The following MAGEC3 variants were observed in gnomAD, a reference collection of about 807,000 sequenced individuals.
MAGEC3 encodes the protein MAGE family member C3.
Under a neutral mutation model 35.3 loss-of-function variants are expected in MAGEC3, and 34 were observed. That is an observed-to-expected ratio of 0.96 (90% confidence interval 0.73 to 1.28). MAGEC3 has a LOEUF of 1.28. Among genes scored for constraint, MAGEC3 ranks in the 50% most tolerant of loss-of-function variants. MAGEC3 has a pLI of 0.00. For missense variants in MAGEC3, 561 were observed against 483.6 expected, an observed-to-expected ratio of 1.16 and a Z score of -1.50; for synonymous variants, 202 against 185.6, an observed-to-expected ratio of 1.09 and a Z score of -0.72.
At chrX:141,872,009 G>T (rs748694505) in intron 2 of MAGEC3, among the ~76,000 whole-genome samples, 1 of 110,057 alleles carries the variant, frequency 9.1e-6, no homozygotes, top group Non-Finnish European at 1.9e-5. Flanking sequence ...GGAGAAAGGG[G>T]TTTTAGGGGA....
chrX:141,880,844 C>A (rs761201183), intron 3 of MAGEC3: 1 of 1,132,772 alleles, frequency 8.8e-7, no homozygotes, highest in Admixed American at 2.2e-5. Flanking sequence ...TGTAAGCCGG[C>A]CTTTGTCAGA....
intron 2 of MAGEC3, among the ~76,000 whole-genome samples, chrX:141,868,544 A>G (rs138763821): frequency 2.7e-3 from 301 of 112,122 alleles, no homozygotes; most frequent in African/African-American, 7.8e-3. Flanking sequence ...TATACAGTGC[A>G]GCAAGAATTT....
Position 141,895,394 on chromosome X carries a change from G to C in MAGEC3, c.1035G>C (p.Leu345=). 8 of 1,210,743 alleles carry C rather than the reference G, an allele frequency of 6.6e-6. No homozygotes were observed. The highest frequency in any genetic ancestry group is 8.9e-6 in the Non-Finnish European group (8 of 895,161). The change falls in exon 5 of 8, where the codon CTG becomes CTC. Residue 345 remains leucine, a synonymous_variant. Transcript: ENST00000298296. ...CAGCAGAGGGAAGCGTCTTAGACCT[G>C]GCCAATCCTCAAGGTAAGGGCCCTA... The part of the protein sequence containing the change: ...LRSAEGSVLD[L]ANPQGLAGHR...
At chrX:141,895,659 ATATCAGCCCTC>A in intron 6 of MAGEC3, 100 bp downstream of exon 6, 1 of 783,420 alleles carries the variant, frequency 1.3e-6, no homozygotes, top group East Asian at 4.4e-5. Flanking sequence ...CCTGCTCCTC[ATATCAGCCCTC>A]GTAGAGCTCC....
intron 3 of MAGEC3, 108 bp from the exon 4 acceptor site, chrX:141,881,295 C>A (rs1030916576): frequency 2.1e-6 from 2 of 950,667 alleles, no homozygotes. Context: ...AGAGTCCTCC[C>A]CAGGGTCCTC....
At chrX:141,895,227 C>G in intron 4 of MAGEC3, 42 bp from the exon 5 acceptor site, 1 of 1,183,154 alleles carries the variant, frequency 8.5e-7, no homozygotes, top group Non-Finnish European at 1.1e-6. Context: ...GGTGGTTTTT[C>G]CATGGAGAGG....
intron 4 of MAGEC3, among the ~76,000 whole-genome samples, chrX:141,882,514 C>T (rs1400459869): frequency 8.9e-6 from 1 of 111,780 alleles, no homozygotes; most frequent in Admixed American, 9.5e-5. Context: ...TATGTAAGAA[C>T]TCAGCAGTTA....
Position 141,838,848 on chromosome X carries a change from G to C in MAGEC3, c.123+410G>C, listed in dbSNP as rs1052308777. The C allele has an allele frequency of 3.6e-5, 27 of 751,370 alleles. No homozygotes were observed. In the African/African-American group the frequency reaches 5.6e-4, roughly 16 times the overall value. The allele number at this position is 751,370 out of a possible 1,213,427, so 61.9% of individuals were successfully genotyped here. On this transcript the variant is annotated intron_variant, in intron 1 of 7. Coordinates refer to ENST00000298296, the MANE Select transcript of MAGEC3 (RefSeq NM_138702.1). ...GCCTATGTCCCTGGGGCAGCAGTTC[G>C]TGCTTCTCTTGCACCTCAGCCCTGG...
At chrX:141,839,688 A>G in intron 1 of MAGEC3, 2 of 740,194 alleles carry the variant, frequency 2.7e-6, no homozygotes, top group Non-Finnish European at 3.2e-6. Context: ...TAATATGTCA[A>G]ATGCTTTACT....
At chrX:141,893,641 A>ACT (rs1315829268) in intron 4 of MAGEC3, among the ~76,000 whole-genome samples, 8 of 80,010 alleles carry the variant, frequency 1.0e-4, no homozygotes, top group Non-Finnish European at 1.7e-4. Flanking sequence ...AATAGGAGAC[A>ACT]CTGTGTGTGT....
In MAGEC3 at chrX:141,881,576, G is replaced by T. The variant is rs780534002; in HGVS notation, c.689G>T (p.Arg230Leu). 2.5e-6 allele frequency: 3 copies of T among 1,210,955 alleles called. No individual in the cohort carries two copies. In the South Asian group the frequency reaches 5.3e-5, roughly 21 times the overall value. The stretch of plus-strand genomic sequence containing the variant: ...TTTCCTATGATCTTCAGGAAAGCCC[G>T]TGAGTTCATAGAGATTCTTTTTGGC... ...GYFPMIFRKA[R>L]EFIEILFGIS... The change falls in exon 4 of 8, where the codon CGT becomes CTT. Residue 230 changes from arginine to leucine, a missense_variant. Arg to Leu is a moderately radical substitution (Grantham distance 102, BLOSUM62 -2). Coordinates refer to ENST00000298296, the MANE Select transcript of MAGEC3 (RefSeq NM_138702.1).
chrX:141,892,657 T>G (rs2018051443), intron 4 of MAGEC3, among the ~76,000 whole-genome samples: 1 of 111,264 alleles, frequency 9.0e-6, no homozygotes, highest in South Asian at 3.7e-4. Flanking sequence ...TTATCAGAGT[T>G]TTAAATGTTT....
intron 1 of MAGEC3, among the ~76,000 whole-genome samples, chrX:141,862,331 G>C (rs189700286): frequency 2.7e-5 from 3 of 112,018 alleles, no homozygotes; most frequent in Admixed American, 1.9e-4. Flanking sequence ...ATACACTGTT[G>C]TGAGAATGTA....
At chrX:141,895,654 T>C (rs2018085497) in intron 6 of MAGEC3, 95 bp downstream of exon 6, 1 of 780,833 alleles carries the variant, frequency 1.3e-6, no homozygotes, top group Non-Finnish European at 1.7e-6. Context: ...CCCACCCTGC[T>C]CCTCATATCA....
intron 4 of MAGEC3, chrX:141,894,509 G>C: frequency 5.0e-6 from 2 of 403,678 alleles, no homozygotes; most frequent in Non-Finnish European, 7.3e-6. Flanking sequence ...ACTTAAAGTA[G>C]AAGGTTTTGG....
At chrX:141,862,205 G>C (rs2017819137) in intron 1 of MAGEC3, among the ~76,000 whole-genome samples, 1 of 111,046 alleles carries the variant, frequency 9.0e-6, no homozygotes, top group Non-Finnish European at 1.9e-5. Flanking sequence ...CTAAGCATCA[G>C]GTAAATACAG....
At chrX:141,853,081 T>C (rs1569472061) in intron 1 of MAGEC3, among the ~76,000 whole-genome samples, 1 of 111,644 alleles carries the variant, frequency 9.0e-6, no homozygotes, top group Admixed American at 9.6e-5. Flanking sequence ...TAAATCTCTT[T>C]ATTTATTACA....
intron 2 of MAGEC3, among the ~76,000 whole-genome samples, chrX:141,878,567 A>T (rs2017935259): frequency 9.0e-6 from 1 of 110,523 alleles, no homozygotes; most frequent in South Asian, 3.8e-4. Flanking sequence ...GACATTTTAG[A>T]GGGTAGAAAG....
chrX:141,893,721 G>T (rs949881593), intron 4 of MAGEC3, among the ~76,000 whole-genome samples: 1 of 104,728 alleles, frequency 9.5e-6, no homozygotes, highest in Non-Finnish European at 2.0e-5. Context: ...AATTGGGGGG[G>T]GGGGCGTAGA....
Sources: allele counts gnomAD v4.1 joint callset (sites outside exome capture counted in the v4.1 genomes callset), GRCh38; gene constraint gnomAD v4.1.1; transcripts MANE v1.5; gene names NCBI Gene and HGNC (gene_info 2026-07-23, HGNC 2026-07-21).